Variants in SYNE2 observed in about 807,000 individuals in gnomAD.
The protein encoded by SYNE2 is spectrin repeat containing nuclear envelope protein 2, also known as nesprin-2.
Under a neutral mutation model 856.3 loss-of-function variants are expected in SYNE2, and 431 were observed. The ratio of observed to expected loss-of-function variants is 0.50; its 90% CI spans 0.47 to 0.55. SYNE2 has a LOEUF of 0.55. Ranked by LOEUF, SYNE2 falls within the 20% of genes least tolerant of loss-of-function variation. The probability of loss-of-function intolerance (pLI) is 0.00; values close to 1 mark genes in which losing one functional copy is unlikely to be tolerated. For synonymous variants in SYNE2, 2,923 were observed against 2,872.3 expected, an observed-to-expected ratio of 1.02 and a Z score of -0.56; for missense variants, 8,129 against 8,023.2, an observed-to-expected ratio of 1.01 and a Z score of -0.50.
chr14:64,212,128 C>G (rs759249878), intron 104 of SYNE2, 30 bp downstream of exon 104: 2 of 1,613,156 alleles, frequency 1.2e-6, no homozygotes, highest in Non-Finnish European at 1.7e-6. Context: ...TAGCTCTTCT[C>G]AAAAGAACAC....
rs146695165 is a variant in SYNE2 at position 64,225,385 on chromosome 14, G to A, written c.20583G>A (p.Leu6861=). The A allele has an allele frequency of 5.2e-5, 84 of 1,614,090 alleles. No individual in the cohort carries two copies. The African/African-American group carries it at 1.1e-3, about 21-fold the overall frequency. Reference sequence around the variant, plus strand: ...GGGTGGTCCGGGCAGCCCTACCCCTGCAGCTGCTCCTCCTGCTGCTGCTGC... The same window carrying A: ...GGGTGGTCCGGGCAGCCCTACCCCTACAGCTGCTCCTCCTGCTGCTGCTGC... ...LSRVVRAALP[L]QLLLLLLLLL... The change falls in exon 116 of 116, where the codon CTG becomes CTA. Residue 6861 remains leucine, a synonymous_variant. Coordinates refer to ENST00000555002, the MANE Select transcript of SYNE2 (RefSeq NM_182914.3).
At chr14:63,860,699 A>G (rs546301141) in intron 1 of SYNE2, among the ~76,000 whole-genome samples, 1 of 152,228 alleles carries the variant, frequency 6.6e-6, no homozygotes, top group African/African-American at 2.4e-5. Flanking sequence ...GCTCTTCTCT[A>G]TCGGGCTGTG....
intron 102 of SYNE2, 83 bp downstream of exon 102, chr14:64,209,661 G>C (rs2098629732): frequency 6.3e-7 from 1 of 1,578,164 alleles, no homozygotes. Context: ...CTTCCTCTAA[G>C]TAGCCAGCTT....
rs1268346546 is a variant in SYNE2 at position 64,017,730 on chromosome 14, A to G, written c.5023A>G (p.Thr1675Ala). ...TCAAAAAATGGAATTACATCAATTG[A>G]CTGAAGAGGACAGAGAAAGGCTGAA... ...ALQKMELHQL[T>A]EEDRERLKEE... Residue 1675 changes from threonine (T) to alanine (A), a missense_variant, in exon 34 of 116, where the codon ACT (threonine) becomes GCT (alanine). Physicochemically the swap from Thr to Ala is moderately conservative, Grantham distance 58. Coordinates refer to ENST00000555002, the MANE Select transcript of SYNE2 (RefSeq NM_182914.3). 1 of 1,613,750 alleles carries G rather than the reference A, an allele frequency of 6.2e-7. No individual in the cohort carries two copies. Among genetic ancestry groups the G allele is most frequent in the Non-Finnish European group, 8.5e-7 (1 of 1,179,774 alleles).
intron 47 of SYNE2, among the ~76,000 whole-genome samples, chr14:64,051,331 A>G (rs1164811506): frequency 2.0e-5 from 3 of 151,394 alleles, no homozygotes; most frequent in East Asian, 1.9e-4. Flanking sequence ...TTTTCACTCA[A>G]AGTAAAAGCC....
At chr14:64,155,314 A>G (rs899028682) in intron 85 of SYNE2, among the ~76,000 whole-genome samples, 1 of 152,148 alleles carries the variant, frequency 6.6e-6, no homozygotes, top group Non-Finnish European at 1.5e-5. Context: ...TACAACACTG[A>G]TGATCTTGGA....
intron 1 of SYNE2, among the ~76,000 whole-genome samples, chr14:63,883,528 AT>A (rs11327710): frequency 0.68 from 102,586 of 151,066 alleles, 34,797 homozygotes; most frequent in South Asian, 0.78. Flanking sequence ...TTTTTTTGGT[AT>A]TTTTTTTGTA....
At chr14:63,885,418 A>G (rs1001974244) in intron 1 of SYNE2, among the ~76,000 whole-genome samples, 8 of 152,134 alleles carry the variant, frequency 5.3e-5, no homozygotes, top group African/African-American at 1.9e-4. Context: ...AGCACAGGCA[A>G]TCATGGGGCT....
chr14:63,882,829 C>T (rs891214197), intron 1 of SYNE2, among the ~76,000 whole-genome samples: 8 of 152,150 alleles, frequency 5.3e-5, no homozygotes, highest in Admixed American at 1.3e-4. Flanking sequence ...GGATGGAGCT[C>T]AGAGACACAG....
chr14:64,179,197 C>T (rs190808366), intron 96 of SYNE2, among the ~76,000 whole-genome samples: 2 of 152,180 alleles, frequency 1.3e-5, no homozygotes, highest in Admixed American at 6.5e-5. Context: ...AATACAGTGG[C>T]GCAATCTTGG....
At chr14:64,181,626 C>T (rs1169194438) in intron 96 of SYNE2, among the ~76,000 whole-genome samples, 1 of 152,154 alleles carries the variant, frequency 6.6e-6, no homozygotes, top group Non-Finnish European at 1.5e-5. Context: ...TTGTCCAGGT[C>T]AGTGTGTTTC....
intron 3 of SYNE2, among the ~76,000 whole-genome samples, chr14:63,941,145 C>G (rs972054879): frequency 6.6e-6 from 1 of 152,160 alleles, no homozygotes. Context: ...GGTCACACAG[C>G]TTAAAAGTGA....
chr14:64,032,991 G>A (rs2097053498), intron 45 of SYNE2, among the ~76,000 whole-genome samples: 1 of 151,494 alleles, frequency 6.6e-6, no homozygotes. Flanking sequence ...AACATAGGGA[G>A]ATTTCATCTC....
At chr14:63,999,559 C>T (rs1009707314) in intron 27 of SYNE2, among the ~76,000 whole-genome samples, 2 of 152,186 alleles carry the variant, frequency 1.3e-5, no homozygotes, top group African/African-American at 4.8e-5. Flanking sequence ...ATGATGGATT[C>T]TCCTCCTAAA....
intron 58 of SYNE2, 24 bp from the exon 59 acceptor site, chr14:64,089,550 C>T: frequency 1.3e-6 from 2 of 1,599,430 alleles, no homozygotes; most frequent in Non-Finnish European, 8.6e-7. Context: ...TATATTGCAT[C>T]AGTGTGTTCT....
At chr14:63,867,795 T>C (rs559651514) in intron 1 of SYNE2, among the ~76,000 whole-genome samples, 16 of 151,832 alleles carry the variant, frequency 1.1e-4, no homozygotes, top group African/African-American at 3.4e-4. Flanking sequence ...AGGTGGTTCA[T>C]GCCTATAATC....
chr14:64,006,699 G>T (rs749284061), intron 30 of SYNE2, among the ~76,000 whole-genome samples: 2 of 151,982 alleles, frequency 1.3e-5, no homozygotes, highest in Non-Finnish European at 2.9e-5. Flanking sequence ...GTGGTGGTTC[G>T]CACGTGTGGT....
chr14:63,878,753 G>A (rs2094787442), intron 1 of SYNE2, among the ~76,000 whole-genome samples: 1 of 152,068 alleles, frequency 6.6e-6, no homozygotes, highest in African/African-American at 2.4e-5. Flanking sequence ...ATGTTGGTTA[G>A]CCTGGTCTCG....
At chr14:64,195,755 C>A (rs1208234850) in intron 99 of SYNE2, among the ~76,000 whole-genome samples, 1 of 152,154 alleles carries the variant, frequency 6.6e-6, no homozygotes, top group East Asian at 1.9e-4. Flanking sequence ...TCTGTATTTT[C>A]TCAAGGTTTT....
Sources: allele counts gnomAD v4.1 joint callset (sites outside exome capture counted in the v4.1 genomes callset), GRCh38; gene constraint gnomAD v4.1.1; transcripts MANE v1.5; gene names NCBI Gene and HGNC (gene_info 2026-07-23, HGNC 2026-07-21).